MCU: variants seen among roughly 807,000 people sequenced by gnomAD.
MCU encodes the protein calcium uniporter protein, mitochondrial.
In MCU, 12 loss-of-function variants were observed where a neutral mutation model predicts 45.2. That is an observed-to-expected ratio of 0.27 (90% CI 0.17 to 0.43). The LOEUF is 0.43. Ranked by LOEUF, MCU falls within the 20% of genes least tolerant of loss-of-function variation. The probability of loss-of-function intolerance (pLI) is 1.00; values close to 1 mark genes in which losing one functional copy is unlikely to be tolerated. For synonymous variants in MCU, 160 were observed against 165.1 expected (o/e 0.97, Z 0.24); for missense variants, 324 against 436.7 (o/e 0.74, Z 2.30).
intron 2 of MCU, among the ~76,000 whole-genome samples, chr10:72,838,690 G>A (rs1589488658): frequency 6.6e-6 from 1 of 152,170 alleles, no homozygotes; most frequent in African/African-American, 2.4e-5. Flanking sequence ...TGTTTATCTT[G>A]TACTTAACAA....
At chr10:72,790,336 T>C (rs896496406) in intron 1 of MCU, among the ~76,000 whole-genome samples, 1 of 152,194 alleles carries the variant, frequency 6.6e-6, no homozygotes, top group South Asian at 2.1e-4. Flanking sequence ...TCTCAGGTAA[T>C]TCCAGTGCCT....
chr10:72,708,430 C>T (rs1289829279), intron 1 of MCU: 1 of 152,164 alleles, frequency 6.6e-6, no homozygotes, highest in Non-Finnish European at 1.5e-5. Context: ...CAGCCTGAAG[C>T]AGAAAATGTT....
chr10:72,727,248 C>G (rs1206984085), intron 1 of MCU, among the ~76,000 whole-genome samples: 1 of 152,080 alleles, frequency 6.6e-6, no homozygotes, highest in African/African-American at 2.4e-5. Flanking sequence ...CAGATAACAT[C>G]TAGAATAAAG....
intron 2 of MCU, among the ~76,000 whole-genome samples, chr10:72,852,846 G>C (rs1845227831): frequency 6.6e-6 from 1 of 152,196 alleles, no homozygotes; most frequent in African/African-American, 2.4e-5. Flanking sequence ...CAACTTCCTA[G>C]AACATAACTA....
intron 1 of MCU, among the ~76,000 whole-genome samples, chr10:72,749,301 A>G (rs546455436): frequency 6.6e-6 from 1 of 152,236 alleles, no homozygotes; most frequent in South Asian, 2.1e-4. Context: ...ATCAAAAACC[A>G]ACTTGAGAAT....
At chr10:72,801,201 G>A (rs1844334461) in intron 1 of MCU, among the ~76,000 whole-genome samples, 1 of 152,138 alleles carries the variant, frequency 6.6e-6, no homozygotes, top group Non-Finnish European at 1.5e-5. Flanking sequence ...ACTTTGGGCA[G>A]TGTTCTCTAG....
intron 1 of MCU, among the ~76,000 whole-genome samples, chr10:72,774,042 C>T (rs1242469764): frequency 1.3e-5 from 2 of 152,128 alleles, no homozygotes; most frequent in Non-Finnish European, 2.9e-5. Flanking sequence ...AACTTTTCAA[C>T]ATATAACATA....
intron 1 of MCU, among the ~76,000 whole-genome samples, chr10:72,828,184 G>T (rs989391961): frequency 5.9e-5 from 9 of 152,170 alleles, no homozygotes; most frequent in Admixed American, 5.9e-4. Context: ...TATTGAAAGG[G>T]GTTCATTTTT....
At chr10:72,754,270 A>C (rs979019008) in intron 1 of MCU, among the ~76,000 whole-genome samples, 3 of 152,206 alleles carry the variant, frequency 2.0e-5, no homozygotes, top group Non-Finnish European at 4.4e-5. Context: ...ACTGTGCACA[A>C]ACTGAGCCAC....
chr10:72,738,777 C>T (rs938805438), intron 1 of MCU, among the ~76,000 whole-genome samples: 1 of 152,220 alleles, frequency 6.6e-6, no homozygotes, highest in Non-Finnish European at 1.5e-5. Context: ...TCAGTCTAGC[C>T]TTCCAGGCTA....
At chr10:72,703,616 G>C (rs1357464706) in intron 1 of MCU, among the ~76,000 whole-genome samples, 2 of 152,104 alleles carry the variant, frequency 1.3e-5, no homozygotes, top group Non-Finnish European at 2.9e-5. Context: ...TAAAACTAAA[G>C]AAAAGTGGCT....
rs1277629153 is a variant in MCU at position 72,692,204 on chromosome 10, G to GCGGCGGCGGGGGCGC, written c.61_75dup (p.Gly21_Gly25dup). 18 of 1,258,812 alleles carry GCGGCGGCGGGGGCGC rather than the reference G, an allele frequency of 1.4e-5. No homozygotes were observed. The highest frequency in any genetic ancestry group is 1.6e-5 in the Non-Finnish European group (16 of 995,470). 78.0% of individuals were successfully genotyped at this position (1,258,812 alleles called of 1,614,324 possible). A position where few individuals can be genotyped will look rare whatever the true frequency, so the allele number is the denominator to read the frequency against. On this transcript the variant is annotated inframe_insertion, in exon 1 of 8. Coordinates refer to ENST00000373053, the MANE Select transcript of MCU (RefSeq NM_138357.3). ...CTGCTGCTCCTCTCCTCTCGGGGCGGCGGCGGCGGGGGCGCCGGCGGCTGC... is the reference window on the plus strand; with the variant it reads ...CTGCTGCTCCTCTCCTCTCGGGGCGGCGGCGGCGGGGGCGCCGGCGGCGGGGGCGCCGGCGGCTGC...
chr10:72,882,232 A>G (rs972920345), intron 6 of MCU, among the ~76,000 whole-genome samples: 3 of 152,140 alleles, frequency 2.0e-5, no homozygotes, highest in Admixed American at 6.5e-5. Flanking sequence ...ACCCTGTGAT[A>G]ATTGCATTAA....
At chr10:72,718,021 A>C (rs1842975474) in intron 1 of MCU, among the ~76,000 whole-genome samples, 1 of 152,198 alleles carries the variant, frequency 6.6e-6, no homozygotes, top group Non-Finnish European at 1.5e-5. Context: ...ACCAATCTTG[A>C]TACATTATTA....
chr10:72,783,406 G>A (rs926563909), intron 1 of MCU, among the ~76,000 whole-genome samples: 4 of 152,164 alleles, frequency 2.6e-5, no homozygotes, highest in Non-Finnish European at 5.9e-5. Flanking sequence ...GGACTCAGGT[G>A]TGGAACTGCC....
Position 72,763,642 on chromosome 10 carries a change from C to G in MCU, c.151-70717C>G, listed in dbSNP as rs1323516452. On this transcript the variant is annotated intron_variant, in intron 1 of 7. Transcript: ENST00000373053. ...CTGTGCTTTACAGCTTCAGTTTATCCTGTAGACAGTGGCATGACATTGAAG... is the reference window on the plus strand; with the variant it reads ...CTGTGCTTTACAGCTTCAGTTTATCGTGTAGACAGTGGCATGACATTGAAG... Among the ~76,000 whole-genome samples, 11 of 152,164 alleles carry G rather than the reference C, an allele frequency of 7.2e-5. 1 individual carries two copies. In the South Asian group the frequency reaches 2.3e-3, roughly 32 times the overall value.
chr10:72,858,235 A>C (rs1200735146), intron 2 of MCU, among the ~76,000 whole-genome samples: 1 of 152,190 alleles, frequency 6.6e-6, no homozygotes, highest in Admixed American at 6.6e-5. Flanking sequence ...TGAAAGGAGA[A>C]ATGTGTGTAT....
intron 2 of MCU, among the ~76,000 whole-genome samples, chr10:72,837,268 T>G (rs1038056075): frequency 2.0e-5 from 3 of 152,128 alleles, no homozygotes; most frequent in Admixed American, 6.6e-5. Flanking sequence ...TAGAAGAATT[T>G]ATATAAACAT....
At chr10:72,753,410 T>C (rs947425295) in intron 1 of MCU, among the ~76,000 whole-genome samples, 3 of 152,254 alleles carry the variant, frequency 2.0e-5, no homozygotes, top group African/African-American at 7.2e-5. Context: ...CTTGTTCATT[T>C]ATCAAATTTC....
Sources: allele counts gnomAD v4.1 joint callset (sites outside exome capture counted in the v4.1 genomes callset), GRCh38; gene constraint gnomAD v4.1.1; transcripts MANE v1.5; gene names NCBI Gene and HGNC (gene_info 2026-07-23, HGNC 2026-07-21).